ASMTL: variants seen among roughly 807,000 people sequenced by gnomAD.
ASMTL encodes acetylserotonin O-methyltransferase like, also known as probable bifunctional dTTP/UTP pyrophosphatase/methyltransferase protein.
Under a neutral mutation model 60.3 loss-of-function variants are expected in ASMTL, and 57 were observed. That is an observed-to-expected ratio of 0.95 (90% CI 0.76 to 1.18). The LOEUF is 1.18. Among genes scored for constraint, ASMTL ranks in the 50% most tolerant of loss-of-function variants. The pLI is 0.00. For missense variants in ASMTL, 981 were observed against 852.6 expected, an observed-to-expected ratio of 1.15 and a Z score of -1.88; for synonymous variants, 419 against 373.0, an observed-to-expected ratio of 1.12 and a Z score of -1.42.
intron 12 of ASMTL, among the ~76,000 whole-genome samples, chrX:1,405,215 T>G: frequency 8.2e-6 from 1 of 121,244 alleles, no homozygotes; most frequent in East Asian, 2.3e-4. Flanking sequence ...GATAGATGAA[T>G]GGATGGATAG....
At position 1,442,162 on chromosome X, in the gene ASMTL, G is replaced by C. The variant is rs201089921; in HGVS notation, c.225+24C>G. On this transcript the variant is annotated intron_variant, in intron 2 of 12. Coordinates refer to ENST00000381317, the MANE Select transcript of ASMTL (RefSeq NM_004192.4). Reference sequence around the variant, plus strand: ...ATCACAGCAAAGGAATTTTCATAAGGGCCGAAGGGCAGGGGCCCCTTGCCT... The same window carrying C: ...ATCACAGCAAAGGAATTTTCATAAGCGCCGAAGGGCAGGGGCCCCTTGCCT... The C allele has an allele frequency of 2.6e-4, 411 of 1,611,618 alleles. 4 individuals carry two copies. The South Asian group carries it at 2.7e-3, about 10-fold the overall frequency.
chrX:1,446,916 C>G (rs1198888593), intron 1 of ASMTL, among the ~76,000 whole-genome samples: 1 of 152,152 alleles, frequency 6.6e-6, no homozygotes, highest in Non-Finnish European at 1.5e-5. Flanking sequence ...AGTTTTTATT[C>G]TTTTCTACGG....
At chrX:1,426,965 A>G (rs1315019761) in intron 7 of ASMTL, among the ~76,000 whole-genome samples, 13 of 151,188 alleles carry the variant, frequency 8.6e-5, no homozygotes, top group African/African-American at 3.1e-4. Flanking sequence ...CCTGGATGAC[A>G]GAGCCAGACT....
Position 1,412,851 on chromosome X carries a change from T to C in ASMTL, c.1526A>G (p.Asp509Gly). ...QAVQIHFAAG[D>G]FFRDPLPSAE... ...GCTGGGGAGGGGGTCCCTGAAAAAG[T>C]CACCTGGTTTAAAGACAAAACGAGA... Residue 509 changes from aspartate to glycine, a missense_variant, in exon 12 of 13, where the codon GAC (aspartate) becomes GGC (glycine). By Grantham distance (94) the Asp-to-Gly change is moderately conservative. Transcript: ENST00000381317. 18 of 1,613,708 alleles carry C rather than the reference T, an allele frequency of 1.1e-5. No homozygotes were observed. Among genetic ancestry groups the C allele is most frequent in the Non-Finnish European group, 1.5e-5 (18 of 1,179,800 alleles).
chrX:1,433,501 TAA>T lies in ASMTL; in HGVS notation c.401-1126_401-1125del, dbSNP rs35959333. Among the ~76,000 whole-genome samples the T allele has an allele frequency of 1.6e-3, 156 of 99,134 alleles. 1 individual carries two copies. The highest frequency in any genetic ancestry group is 7.6e-3 in the East Asian group (26 of 3,414). 65.0% of individuals were successfully genotyped at this position (99,134 alleles called of 152,430 possible). On this transcript the variant is annotated intron_variant, in intron 5 of 12. Coordinates refer to ENST00000381317, the MANE Select transcript of ASMTL (RefSeq NM_004192.4). ...TACCACGGTGAAACCCCGTCTCTACTAAAAAAAAAAAAAAAAAAAAAATAGAA... is the reference window on the plus strand; with the variant it reads ...TACCACGGTGAAACCCCGTCTCTACTAAAAAAAAAAAAAAAAAAAATAGAA...
chrX:1,441,921 T>C (rs2091118410), intron 2 of ASMTL: 1 of 458,310 alleles, frequency 2.2e-6, no homozygotes, highest in Admixed American at 3.9e-5. Flanking sequence ...GCTACATTAA[T>C]TGTATATCAT....
intron 5 of ASMTL, among the ~76,000 whole-genome samples, chrX:1,433,520 A>AT (rs1569533974): frequency 6.7e-6 from 1 of 150,270 alleles, no homozygotes; most frequent in African/African-American, 2.4e-5. Context: ...AAAAAAAAAA[A>AT]AAATAGAAAA....
At chrX:1,418,359 C>T (rs1455842403) in intron 10 of ASMTL, among the ~76,000 whole-genome samples, 1 of 145,392 alleles carries the variant, frequency 6.9e-6, no homozygotes, top group South Asian at 2.1e-4. Flanking sequence ...GTACTCCCTT[C>T]TCCTTCCTGC....
chrX:1,422,741 A>C (rs751898582), intron 8 of ASMTL, among the ~76,000 whole-genome samples: 67 of 152,178 alleles, frequency 4.4e-4, no homozygotes, highest in African/African-American at 1.6e-3. Flanking sequence ...GCTGACCCTG[A>C]GTGTACGGTT....
At chrX:1,405,481 G>GGATA (rs765203779) in intron 12 of ASMTL, among the ~76,000 whole-genome samples, 1 of 151,438 alleles carries the variant, frequency 6.6e-6, no homozygotes, top group African/African-American at 2.4e-5. Flanking sequence ...GTAGATGAGT[G>GGATA]GATAGATAGA....
At position 1,435,758 on chromosome X, in the gene ASMTL, T is replaced by A. The variant is rs2090949627; in HGVS notation, c.274A>T (p.Thr92Ser). The change falls in exon 4 of 13, where the codon ACA becomes TCA. Residue 92 changes from threonine (T) to serine (S), a missense_variant and splice_region_variant. Coordinates refer to ENST00000381317, the MANE Select transcript of ASMTL (RefSeq NM_004192.4). ...TTCTCCAGAATCAGCCCCCCGACTGTCTGTGAGAGGAAGGGACAGAGGGAG... is the reference window on the plus strand; with the variant it reads ...TTCTCCAGAATCAGCCCCCCGACTGACTGTGAGAGGAAGGGACAGAGGGAG... ...DVVIGADTIV[T>S]VGGLILEKPV... The A allele has an allele frequency of 6.2e-7, 1 of 1,613,350 alleles. No homozygotes were observed. The highest frequency in any genetic ancestry group is 1.3e-5 in the African/African-American group (1 of 74,830).
At chrX:1,435,960 CAGA>C (rs1418278671) in intron 3 of ASMTL, among the ~76,000 whole-genome samples, 3 of 152,140 alleles carry the variant, frequency 2.0e-5, no homozygotes, top group African/African-American at 7.2e-5. Flanking sequence ...CTCTTCACTC[CAGA>C]AGGAGACCCT....
At chrX:1,407,242 A>AGATG (rs1395704808) in intron 12 of ASMTL, among the ~76,000 whole-genome samples, 1 of 145,144 alleles carries the variant, frequency 6.9e-6, no homozygotes, top group Non-Finnish European at 1.5e-5. Context: ...GTAGGTAGGT[A>AGATG]GATGGATGGA....
intron 4 of ASMTL, chrX:1,435,371 G>A (rs2090933929): frequency 3.3e-6 from 2 of 606,326 alleles, no homozygotes; most frequent in Non-Finnish European, 2.9e-6. Flanking sequence ...CACGTCCTGG[G>A]ATGGGGATGA....
At chrX:1,445,954 T>C (rs2149346827) in intron 1 of ASMTL, among the ~76,000 whole-genome samples, 1 of 152,024 alleles carries the variant, frequency 6.6e-6, no homozygotes, top group Admixed American at 6.5e-5. Flanking sequence ...AAGACTCTGC[T>C]CCTCCACCTC....
chrX:1,442,109 T>G, intron 2 of ASMTL, 77 bp downstream of exon 2: 2 of 1,527,822 alleles, frequency 1.3e-6, no homozygotes, highest in Non-Finnish European at 1.8e-6. Flanking sequence ...ATTTGTGTCA[T>G]GTATATTTAC....
intron 8 of ASMTL, among the ~76,000 whole-genome samples, chrX:1,423,417 T>A (rs1477087906): frequency 1.3e-5 from 2 of 152,116 alleles, no homozygotes; most frequent in African/African-American, 4.8e-5. Flanking sequence ...CACAGCCACC[T>A]CTGCCCAGGT....
chrX:1,419,064 C>T lies in ASMTL; in HGVS notation c.1296G>A (p.Met432Ile), dbSNP rs1471850327. The T allele has an allele frequency of 1.2e-6, 2 of 1,611,124 alleles. No individual in the cohort carries two copies. Among genetic ancestry groups the T allele is most frequent in the Non-Finnish European group, 1.7e-6 (2 of 1,179,540 alleles). Residue 432 changes from methionine to isoleucine, a missense_variant, in exon 10 of 13, where the codon ATG (methionine) becomes ATA (isoleucine). Physicochemically the swap from Met to Ile is conservative, Grantham distance 10 (BLOSUM62 1). Transcript: ENST00000381317. ...ACGCAGTCAGCTTCGTCATGCCGTG[C>T]ATGGCCCGCATGAACCTCAGCCGCG... ...PETRLRFMRAMHGMTKLTACQ... is the reference protein window; with the variant it reads ...PETRLRFMRAIHGMTKLTACQ...
rs182537095 is a variant in ASMTL at position 1,408,026 on chromosome X, C to T, written c.1646-4537G>A. ...GGTAGCCTGGGCAACATCGCAAGAT[C>T]CCATCTCTACAAAATTTAAAAAACC... On this transcript the variant is annotated intron_variant, in intron 12 of 12. Transcript: ENST00000381317. 4.9e-3 allele frequency among the ~76,000 whole-genome samples: 744 copies of T among 151,360 alleles called. 11 individuals carry two copies. Among genetic ancestry groups the T allele is most frequent in the African/African-American group, 0.017 (692 of 40,984 alleles).
Sources: allele counts gnomAD v4.1 joint callset (sites outside exome capture counted in the v4.1 genomes callset), GRCh38; gene constraint gnomAD v4.1.1; transcripts MANE v1.5; gene names NCBI Gene and HGNC (gene_info 2026-07-23, HGNC 2026-07-21).